SLC38A4: variants seen among roughly 807,000 people sequenced by gnomAD.
SLC38A4 encodes the protein sodium-coupled neutral amino acid transporter 4.
In SLC38A4, 20 loss-of-function variants were observed where a neutral mutation model predicts 63.1. The ratio of observed to expected loss-of-function variants is 0.32; its 90% CI spans 0.22 to 0.46. The LOEUF is 0.46. SLC38A4 is among the 20% of genes least tolerant of loss of function. SLC38A4 has a pLI of 1.00. For synonymous variants in SLC38A4, 230 were observed against 225.5 expected (o/e 1.02, Z -0.18); for missense variants, 526 against 663.6 (o/e 0.79, Z 2.28).
intron 1 of SLC38A4, among the ~76,000 whole-genome samples, chr12:46,808,976 T>A (rs865823657): frequency 6.6e-6 from 1 of 152,012 alleles, no homozygotes; most frequent in South Asian, 2.1e-4. Context: ...ATTGATAGTT[T>A]AAAAAATTAC....
At chr12:46,799,101 G>A (rs1939076574) in intron 2 of SLC38A4, among the ~76,000 whole-genome samples, 1 of 152,064 alleles carries the variant, frequency 6.6e-6, no homozygotes, top group African/African-American at 2.4e-5. Flanking sequence ...AATAAATTTA[G>A]ATCTGTTTTC....
At chr12:46,809,997 T>A (rs1157250514) in intron 1 of SLC38A4, among the ~76,000 whole-genome samples, 2 of 152,102 alleles carry the variant, frequency 1.3e-5, no homozygotes, top group African/African-American at 4.8e-5. Flanking sequence ...AAAATCTTTC[T>A]TTAAAACTTA....
intron 1 of SLC38A4, among the ~76,000 whole-genome samples, chr12:46,812,664 G>A (rs1488231396): frequency 6.6e-6 from 1 of 151,974 alleles, no homozygotes; most frequent in Non-Finnish European, 1.5e-5. Context: ...ATTAAAGCAA[G>A]GAATTTTACA....
intron 1 of SLC38A4, among the ~76,000 whole-genome samples, chr12:46,823,007 T>C (rs966221804): frequency 6.6e-6 from 1 of 152,230 alleles, no homozygotes; most frequent in Admixed American, 6.5e-5. Flanking sequence ...ATTTCTATTT[T>C]ACTTTTCTTT....
At chr12:46,832,269 A>G (rs1939741541) in intron 1 of SLC38A4, 1 of 152,100 alleles carries the variant, frequency 6.6e-6, no homozygotes. Flanking sequence ...TCCAGCTGCA[A>G]GTTTGGACAC....
At chr12:46,819,154 G>T (rs1252620566) in intron 1 of SLC38A4, among the ~76,000 whole-genome samples, 1 of 151,776 alleles carries the variant, frequency 6.6e-6, no homozygotes, top group African/African-American at 2.4e-5. Context: ...AAGACAACTA[G>T]ATTTCATCAT....
At chr12:46,794,787 A>G (rs1938965659) in intron 2 of SLC38A4, among the ~76,000 whole-genome samples, 1 of 151,946 alleles carries the variant, frequency 6.6e-6, no homozygotes, top group Non-Finnish European at 1.5e-5. Flanking sequence ...ACAAAACAGA[A>G]AGAGATAATG....
intron 1 of SLC38A4, among the ~76,000 whole-genome samples, chr12:46,817,951 G>A (rs1046706879): frequency 6.6e-6 from 1 of 151,788 alleles, no homozygotes; most frequent in South Asian, 2.1e-4. Context: ...TCTAGTATAG[G>A]TGAATTGAGT....
At chr12:46,790,117 G>A (rs567050434) in intron 3 of SLC38A4, among the ~76,000 whole-genome samples, 2 of 152,186 alleles carry the variant, frequency 1.3e-5, no homozygotes, top group South Asian at 4.1e-4. Context: ...AAATAAAATA[G>A]AAAATAATTA....
intron 12 of SLC38A4, 51 bp from the exon 13 acceptor site, chr12:46,777,055 A>G (rs529411433): frequency 1.5e-5 from 22 of 1,431,456 alleles, no homozygotes; most frequent in Non-Finnish European, 2.1e-5. Context: ...ACAAAAAAAA[A>G]TCACTTTTCA....
chr12:46,775,542 TCC>T (rs1592176372), intron 13 of SLC38A4, among the ~76,000 whole-genome samples: 1 of 151,822 alleles, frequency 6.6e-6, no homozygotes, highest in Non-Finnish European at 1.5e-5. Flanking sequence ...GCCTACCACC[TCC>T]CCTGTCCCTA....
At chr12:46,777,027 G>A (rs769420282) in intron 12 of SLC38A4, 23 bp from the exon 13 acceptor site, 1 of 1,571,616 alleles carries the variant, frequency 6.4e-7, no homozygotes, top group South Asian at 1.2e-5. Context: ...AGAACACCAA[G>A]CTTTGTTTTT....
Position 46,774,605 on chromosome 12 carries a change from C to G in SLC38A4, c.1299+444G>C, listed in dbSNP as rs529432375. Among the ~76,000 whole-genome samples, 5 of 152,086 alleles carry G rather than the reference C, an allele frequency of 3.3e-5. No individual in the cohort carries two copies. In the South Asian group the frequency reaches 1.0e-3, roughly 32 times the overall value. On this transcript the variant is annotated intron_variant, in intron 14 of 16. Coordinates refer to ENST00000266579, the MANE Select transcript of SLC38A4 (RefSeq NM_018018.5). ...ATCCCCTTTTCATTAGCCTTCAAGG[C>G]ATCAGGTTAAAAAAGGCAACTTTTG...
chr12:46,790,753 G>C (rs561250849), intron 3 of SLC38A4, among the ~76,000 whole-genome samples: 1,719 of 151,518 alleles, frequency 0.011, 23 homozygotes, highest in Non-Finnish European at 0.017. Context: ...GTATAAAATA[G>C]ATGAGAAATG....
chr12:46,786,198 T>C (rs1419350584), intron 5 of SLC38A4, among the ~76,000 whole-genome samples: 3 of 152,118 alleles, frequency 2.0e-5, no homozygotes, highest in African/African-American at 7.2e-5. Context: ...GTAATTCAGA[T>C]TATATAATTT....
chr12:46,800,342 AT>A (rs1439975338), intron 2 of SLC38A4, among the ~76,000 whole-genome samples: 1 of 152,076 alleles, frequency 6.6e-6, no homozygotes, highest in African/African-American at 2.4e-5. Flanking sequence ...AAATTTCCTA[AT>A]ACACTGGAAG....
intron 7 of SLC38A4, among the ~76,000 whole-genome samples, chr12:46,783,385 A>G (rs1457486792): frequency 6.6e-6 from 1 of 152,026 alleles, no homozygotes; most frequent in East Asian, 1.9e-4. Flanking sequence ...CTTGAAAATA[A>G]TAAAGGCATG....
intron 3 of SLC38A4, among the ~76,000 whole-genome samples, chr12:46,792,685 A>AT (rs1015846051): frequency 6.6e-6 from 1 of 152,126 alleles, no homozygotes; most frequent in Non-Finnish European, 1.5e-5. Context: ...TCTGAGAAAG[A>AT]TAAGAGGAGC....
Position 46,776,844 on chromosome 12 carries a change from A to C in SLC38A4, c.1174+60T>G. ...CAATTTTTAAAAATCATACCTACCC[A>C]GGTCAAGGACCAGCCTAACAAGGAT... is the stretch of plus-strand genomic sequence containing the variant. On this transcript the variant is annotated intron_variant, in intron 13 of 16. Coordinates refer to ENST00000266579, the MANE Select transcript of SLC38A4 (RefSeq NM_018018.5). 7.0e-6 allele frequency: 10 copies of C among 1,438,324 alleles called. No homozygotes were observed. The South Asian group carries it at 1.2e-4, about 17-fold the overall frequency. 89.1% of individuals were successfully genotyped at this position (1,438,324 alleles called of 1,614,324 possible).
Sources: allele counts gnomAD v4.1 joint callset (sites outside exome capture counted in the v4.1 genomes callset), GRCh38; gene constraint gnomAD v4.1.1; transcripts MANE v1.5; gene names NCBI Gene and HGNC (gene_info 2026-07-23, HGNC 2026-07-21).